Variants in CEP112 observed in about 807,000 individuals in gnomAD.
CEP112 encodes centrosomal protein of 112 kDa.
A neutral mutation model predicts 153.0 loss-of-function variants in CEP112; 127 were observed. The ratio of observed to expected loss-of-function variants is 0.83; its 90% confidence interval spans 0.72 to 0.96. The LOEUF (loss-of-function observed/expected upper bound fraction) is 0.96. Among genes scored for constraint, CEP112 ranks in the 40% least tolerant of loss-of-function variants. CEP112 has a pLI of 0.00. For missense variants in CEP112, 1,089 were observed against 1,101.2 expected, an observed-to-expected ratio of 0.99 and a Z score of 0.16; for synonymous variants, 358 against 374.4, an observed-to-expected ratio of 0.96 and a Z score of 0.51.
At chr17:66,162,213 A>T (rs117323527) in intron 4 of CEP112, among the ~76,000 whole-genome samples, 1 of 152,214 alleles carries the variant, frequency 6.6e-6, no homozygotes, top group Non-Finnish European at 1.5e-5. Context: ...TATCCAAATC[A>T]TCGATAAACA....
chr17:66,024,990 T>TA (rs1202757008), intron 16 of CEP112, among the ~76,000 whole-genome samples: 2 of 152,088 alleles, frequency 1.3e-5, no homozygotes, highest in African/African-American at 4.8e-5. Context: ...ACCACATAAC[T>TA]ACAGCCAAAT....
chr17:65,962,135 G>A lies in CEP112; in HGVS notation c.1737-537C>T, dbSNP rs960166381. Among the ~76,000 whole-genome samples, 6 of 152,324 alleles carry A rather than the reference G, an allele frequency of 3.9e-5. No homozygotes were observed. In the South Asian group the frequency reaches 1.0e-3, roughly 26 times the overall value. On this transcript the variant is annotated intron_variant, in intron 17 of 26. Coordinates refer to ENST00000535342, the MANE Select transcript of CEP112 (RefSeq NM_001199165.4). ...GGGAAATAGGGAGTGATTGCCAAGG[G>A]ATATGAAATGAGGAAAATATGAAAA... is the stretch of plus-strand genomic sequence containing the variant.
chr17:66,183,419 T>C (rs77237016), intron 1 of CEP112, 112 bp from the exon 2 acceptor site: 118,438 of 617,606 alleles, frequency 0.19, 12,692 homozygotes, highest in Non-Finnish European at 0.22. Flanking sequence ...TCTCCCCAAA[T>C]TGACCTGTAG....
intron 24 of CEP112, among the ~76,000 whole-genome samples, chr17:65,671,582 T>C (rs1169880307): frequency 6.6e-6 from 1 of 152,228 alleles, no homozygotes; most frequent in African/African-American, 2.4e-5. Context: ...ACATACTATA[T>C]ACACCAACAC....
chr17:65,858,476 C>A (rs963932167), intron 20 of CEP112, among the ~76,000 whole-genome samples: 3 of 152,090 alleles, frequency 2.0e-5, no homozygotes, highest in Non-Finnish European at 2.9e-5. Context: ...CAATTATTGG[C>A]ATAATGCTTT....
chr17:65,698,088 A>C (rs922765637), intron 23 of CEP112, among the ~76,000 whole-genome samples: 2 of 152,160 alleles, frequency 1.3e-5, no homozygotes, highest in African/African-American at 4.8e-5. Flanking sequence ...TAAAAAAACA[A>C]AACAAAACAA....
chr17:66,054,017 A>C, intron 11 of CEP112, 138 bp from the exon 12 acceptor site: 1 of 501,368 alleles, frequency 2.0e-6, no homozygotes, highest in Non-Finnish European at 3.4e-6. Flanking sequence ...AAAAACCACC[A>C]GTAAACATTC....
At position 65,831,418 on chromosome 17, in the gene CEP112, G is replaced by A. The variant is rs577248346; in HGVS notation, c.2394+20386C>T. On this transcript the variant is annotated intron_variant, in intron 21 of 26. Transcript: ENST00000535342. ...TAAAAATACAAAAAATTAGCTGGGC[G>A]TGGTGGTGGGCACCTGTAGTCCCAG... is the stretch of plus-strand genomic sequence containing the variant. Among the ~76,000 whole-genome samples, 4 of 152,142 alleles carry A rather than the reference G, an allele frequency of 2.6e-5. No homozygotes were observed. In the South Asian group the frequency reaches 8.3e-4, roughly 32 times the overall value.
At chr17:65,665,115 T>C (rs1598251316) in intron 24 of CEP112, among the ~76,000 whole-genome samples, 1 of 152,216 alleles carries the variant, frequency 6.6e-6, no homozygotes, top group Admixed American at 6.5e-5. Context: ...CTTCAATATT[T>C]TGGCGGGGTG....
At chr17:65,730,235 C>A (rs993037287) in intron 23 of CEP112, among the ~76,000 whole-genome samples, 1 of 152,136 alleles carries the variant, frequency 6.6e-6, no homozygotes, top group African/African-American at 2.4e-5. Flanking sequence ...AGAATAGAAT[C>A]GGAGGGAAGC....
intron 20 of CEP112, among the ~76,000 whole-genome samples, chr17:65,885,501 C>A (rs545164439): frequency 6.6e-6 from 1 of 151,650 alleles, no homozygotes; most frequent in African/African-American, 2.4e-5. Flanking sequence ...AAAAAAAAAA[C>A]GGTTTGAATT....
At chr17:66,076,563 G>C (rs1431109567) in intron 8 of CEP112, among the ~76,000 whole-genome samples, 1 of 152,096 alleles carries the variant, frequency 6.6e-6, no homozygotes, top group African/African-American at 2.4e-5. Context: ...GCTGCCCAAG[G>C]AGAGTCTGAG....
At chr17:65,720,754 C>T (rs1259339975) in intron 23 of CEP112, among the ~76,000 whole-genome samples, 2 of 152,124 alleles carry the variant, frequency 1.3e-5, no homozygotes, top group African/African-American at 4.8e-5. Context: ...TTAACAGTTA[C>T]ATAAATATAT....
chr17:65,938,300 T>C (rs1184217432), intron 18 of CEP112, among the ~76,000 whole-genome samples: 1 of 142,594 alleles, frequency 7.0e-6, no homozygotes, highest in Non-Finnish European at 1.5e-5. Context: ...CAGGGTCCTC[T>C]GCCTAGGAAA....
At chr17:65,882,085 T>C (rs1284881682) in intron 20 of CEP112, among the ~76,000 whole-genome samples, 1 of 151,778 alleles carries the variant, frequency 6.6e-6, no homozygotes, top group Non-Finnish European at 1.5e-5. Context: ...ATTAAAGGAG[T>C]AATAAAGGGG....
At chr17:65,970,412 C>T (rs1347084953) in intron 17 of CEP112, among the ~76,000 whole-genome samples, 5 of 99,682 alleles carry the variant, frequency 5.0e-5, no homozygotes, top group Non-Finnish European at 1.0e-4. Context: ...ACACATCATG[C>T]ATGTATATTA....
intron 4 of CEP112, among the ~76,000 whole-genome samples, chr17:66,172,298 A>G: frequency 6.6e-6 from 1 of 152,186 alleles, no homozygotes; most frequent in East Asian, 1.9e-4. Flanking sequence ...TACACATGGG[A>G]TGAAGGCAGC....
rs556623844 is a variant in CEP112, at chr17:65,679,740, C to T, written c.2697+9389G>A. ...ATGACTGAGGTGGTTTAAAGATAAG[C>T]AGTGCTATCCACTGAAAGCTTTAAG... On this transcript the variant is annotated intron_variant, in intron 24 of 26. Transcript: ENST00000535342. 2.0e-5 allele frequency among the ~76,000 whole-genome samples: 3 copies of T among 152,314 alleles called. No individual in the cohort carries two copies. The East Asian group carries it at 5.8e-4, about 29-fold the overall frequency.
chr17:65,683,180 C>T (rs187780062), intron 24 of CEP112, among the ~76,000 whole-genome samples: 22 of 152,284 alleles, frequency 1.4e-4, no homozygotes, highest in Non-Finnish European at 2.8e-4. Flanking sequence ...ACCCTGCAAC[C>T]CCTAAACACA....
Sources: allele counts gnomAD v4.1 joint callset (sites outside exome capture counted in the v4.1 genomes callset), GRCh38; gene constraint gnomAD v4.1.1; transcripts MANE v1.5; gene names NCBI Gene and HGNC (gene_info 2026-07-23, HGNC 2026-07-21).